The following HS3ST5 variants were observed in gnomAD, a reference collection of about 807,000 sequenced individuals.
The protein encoded by HS3ST5 is heparan sulfate-glucosamine 3-sulfotransferase 5.
A neutral mutation model predicts 25.4 loss-of-function variants in HS3ST5; 10 were observed. That is an observed-to-expected ratio of 0.39 (90% CI 0.24 to 0.67). The LOEUF is 0.67. HS3ST5 is among the 30% of genes least tolerant of loss of function. The pLI, the probability that HS3ST5 is intolerant of heterozygous loss-of-function variation, is 0.44. For missense variants in HS3ST5, 324 were observed against 420.7 expected (o/e 0.77, Z 2.01); for synonymous variants, 170 against 162.4 (o/e 1.05, Z -0.36).
chr6:114,191,182 A>C (rs1780485130), intron 2 of HS3ST5, among the ~76,000 whole-genome samples: 1 of 152,188 alleles, frequency 6.6e-6, no homozygotes, highest in Non-Finnish European at 1.5e-5. Context: ...TTTTCCTCTT[A>C]TGGGAAGTTC....
chr6:114,209,238 G>T (rs1175794569), intron 2 of HS3ST5, among the ~76,000 whole-genome samples: 1 of 151,852 alleles, frequency 6.6e-6, no homozygotes, highest in Non-Finnish European at 1.5e-5. Flanking sequence ...GTTTCATTAA[G>T]TATATGCTAA....
chr6:114,064,525 C>T lies in HS3ST5; in HGVS notation c.-32-1648G>A, dbSNP rs1405014387. ...TGTACTATGTGAATTGCTGAGGAGACGGTAGGAGGGCATCCTAAGAGGGAG... is the reference window on the plus strand; with the variant it reads ...TGTACTATGTGAATTGCTGAGGAGATGGTAGGAGGGCATCCTAAGAGGGAG... On this transcript the variant is annotated intron_variant, in intron 3 of 4. Transcript: ENST00000312719. Among the ~76,000 whole-genome samples the T allele has an allele frequency of 6.6e-5, 10 of 152,232 alleles. No individual in the cohort carries two copies. In the South Asian group the frequency reaches 8.3e-4, roughly 13 times the overall value.
intron 1 of HS3ST5, among the ~76,000 whole-genome samples, chr6:114,266,942 CTGT>C (rs1238612193): frequency 6.6e-6 from 1 of 152,088 alleles, no homozygotes; most frequent in Non-Finnish European, 1.5e-5. Flanking sequence ...TTTTTGGTAC[CTGT>C]TGTTTTCATG....
chr6:114,140,740 G>A (rs1324246138), intron 3 of HS3ST5, among the ~76,000 whole-genome samples: 1 of 152,208 alleles, frequency 6.6e-6, no homozygotes, highest in African/African-American at 2.4e-5. Flanking sequence ...AGCCACAAGG[G>A]AGAAACGTGA....
intron 2 of HS3ST5, among the ~76,000 whole-genome samples, chr6:114,218,387 G>A (rs1459592899): frequency 6.6e-6 from 1 of 152,116 alleles, no homozygotes. Context: ...TTTTCATTTT[G>A]TTACCTGAAC....
intron 3 of HS3ST5, among the ~76,000 whole-genome samples, chr6:114,111,235 C>G (rs1776251910): frequency 6.6e-6 from 1 of 152,154 alleles, no homozygotes; most frequent in Admixed American, 6.6e-5. Flanking sequence ...TCAATGCTTT[C>G]TGGGCATAGT....
intron 1 of HS3ST5, among the ~76,000 whole-genome samples, chr6:114,293,165 T>C (rs1045737200): frequency 2.6e-5 from 4 of 152,074 alleles, no homozygotes; most frequent in Non-Finnish European, 5.9e-5. Context: ...CTCTGAGCTG[T>C]ACAGGAGGTA....
At chr6:114,341,931 G>T (rs1223195798) in intron 1 of HS3ST5, among the ~76,000 whole-genome samples, 3 of 152,096 alleles carry the variant, frequency 2.0e-5, no homozygotes, top group Admixed American at 1.3e-4. Context: ...AGACAGGCAG[G>T]CTGACTGACA....
chr6:114,084,522 C>G, intron 3 of HS3ST5: 1 of 758,930 alleles, frequency 1.3e-6, no homozygotes, highest in Non-Finnish European at 2.4e-6. Flanking sequence ...CTTCCCGAGC[C>G]GGCGTCCACC....
intron 3 of HS3ST5, among the ~76,000 whole-genome samples, chr6:114,081,793 G>A (rs1364289216): frequency 6.6e-6 from 1 of 152,012 alleles, no homozygotes; most frequent in Admixed American, 6.6e-5. Flanking sequence ...GATAATATTT[G>A]TTTTAGATTT....
chr6:114,251,634 G>C (rs548741900), intron 1 of HS3ST5: 2 of 152,026 alleles, frequency 1.3e-5, no homozygotes, highest in African/African-American at 4.8e-5. Flanking sequence ...CACACCAATT[G>C]GTTCAGGGTT....
chr6:114,097,097 CA>C (rs1775473092), intron 3 of HS3ST5, among the ~76,000 whole-genome samples: 1 of 151,796 alleles, frequency 6.6e-6, no homozygotes, highest in South Asian at 2.1e-4. Context: ...TAATACAAAA[CA>C]AAATGTTTAA....
intron 2 of HS3ST5, among the ~76,000 whole-genome samples, chr6:114,197,664 A>G (rs1438109650): frequency 6.6e-6 from 1 of 151,984 alleles, no homozygotes; most frequent in East Asian, 1.9e-4. Flanking sequence ...CTCAGCATCT[A>G]CTGTTCCCAT....
At chr6:114,312,837 C>T (rs1243352595) in intron 1 of HS3ST5, among the ~76,000 whole-genome samples, 2 of 151,658 alleles carry the variant, frequency 1.3e-5, no homozygotes, top group Non-Finnish European at 2.9e-5. Flanking sequence ...CAAGACCAGC[C>T]TGCAACAACG....
intron 1 of HS3ST5, among the ~76,000 whole-genome samples, chr6:114,274,398 G>A (rs1428018791): frequency 6.6e-6 from 1 of 152,056 alleles, no homozygotes; most frequent in Non-Finnish European, 1.5e-5. Flanking sequence ...ATAATAGTCA[G>A]CACGGTTGTG....
At chr6:114,288,023 G>A (rs150147000) in intron 1 of HS3ST5, among the ~76,000 whole-genome samples, 59 of 152,088 alleles carry the variant, frequency 3.9e-4, no homozygotes, top group African/African-American at 1.3e-3. Flanking sequence ...TCGCATATAC[G>A]CTAAAAGTGT....
At chr6:114,311,252 G>A (rs1231569558) in intron 1 of HS3ST5, among the ~76,000 whole-genome samples, 2 of 151,460 alleles carry the variant, frequency 1.3e-5, no homozygotes, top group Non-Finnish European at 1.5e-5. Flanking sequence ...CATTTACTAA[G>A]ATATAGAGAT....
At chr6:114,092,432 T>C (rs1775166726) in intron 3 of HS3ST5, among the ~76,000 whole-genome samples, 2 of 152,056 alleles carry the variant, frequency 1.3e-5, no homozygotes, top group South Asian at 4.2e-4. Context: ...TTAGCTTGAA[T>C]AACCTGAAAC....
chr6:114,135,367 A>C (rs1777544556), intron 3 of HS3ST5, among the ~76,000 whole-genome samples: 1 of 152,186 alleles, frequency 6.6e-6, no homozygotes, highest in African/African-American at 2.4e-5. Context: ...ATGCCCAGAG[A>C]CAGGAGGAAG....
Sources: allele counts gnomAD v4.1 joint callset (sites outside exome capture counted in the v4.1 genomes callset), GRCh38; gene constraint gnomAD v4.1.1; transcripts MANE v1.5; gene names NCBI Gene and HGNC (gene_info 2026-07-23, HGNC 2026-07-21).